FASN: variants seen among roughly 807,000 people sequenced by gnomAD.
The protein encoded by FASN is 3-hydroxyacyl-[acyl-carrier-protein] dehydratase.
FASN carries 50 observed loss-of-function variants against 250.0 expected under a neutral mutation model. The observed-to-expected ratio is 0.20, with a 90% CI of 0.16 to 0.25. The LOEUF is 0.25. Among genes scored for constraint, FASN ranks in the 10% least tolerant of loss-of-function variants. The pLI is 1.00. For missense variants in FASN, 3,031 were observed against 3,498.5 expected, an observed-to-expected ratio of 0.87 and a Z score of 3.37; for synonymous variants, 1,909 against 1,584.0, an observed-to-expected ratio of 1.21 and a Z score of -4.87.
Position 82,080,808 on chromosome 17 carries a change from A to T in FASN, c.6710T>A (p.Val2237Glu). 6.2e-7 allele frequency: 1 copy of T among 1,608,714 alleles called. No homozygotes were observed. ...EGPTLMRLNS[V>E]QSSERPLFLV... ...GAACAGGGGCCGCTCCGAGCTCTGC[A>T]CGGAGTTGAGCCGCATCAGGGTGGG... The change falls in exon 39 of 43, where the codon GTG (valine) becomes GAG (glutamate). Residue 2237 changes from valine to glutamate, a missense_variant. Physicochemically the swap from Val to Glu is moderately radical, Grantham distance 121. Transcript: ENST00000306749.
At chr17:82,094,453 C>G (rs1598584584) in intron 3 of FASN, among the ~76,000 whole-genome samples, 3 of 151,888 alleles carry the variant, frequency 2.0e-5, no homozygotes, top group South Asian at 2.1e-4. Context: ...CAGCCTCCCC[C>G]TCAGGAGGTC....
At chr17:82,092,117 G>GAC in intron 8 of FASN, among the ~76,000 whole-genome samples, 1 of 152,256 alleles carries the variant, frequency 6.6e-6, no homozygotes, top group East Asian at 1.9e-4. Context: ...ACGGGTGGGC[G>GAC]ACACGGGAGA....
rs545351106 is a variant in FASN at position 82,092,397 on chromosome 17, C to T, written c.1029+58G>A. ...AGAAAGCAGCAGTGCCCAGCCATGGCGCAACCCAGTCCCAGGGAGCAGGAG... is the reference window on the plus strand; with the variant it reads ...AGAAAGCAGCAGTGCCCAGCCATGGTGCAACCCAGTCCCAGGGAGCAGGAG... On this transcript the variant is annotated intron_variant, in intron 8 of 42. Coordinates refer to ENST00000306749, the MANE Select transcript of FASN (RefSeq NM_004104.5). 1,333 of 1,531,660 alleles carry T rather than the reference C, an allele frequency of 8.7e-4. 2 individuals carry two copies. Among genetic ancestry groups the T allele is most frequent in the Non-Finnish European group, 1.1e-3 (1,246 of 1,137,746 alleles). The allele number at this position is 1,531,660 out of a possible 1,614,324, so 94.9% of individuals were successfully genotyped here. A position where few individuals can be genotyped will look rare whatever the true frequency, so the allele number is the denominator to read the frequency against.
Position 82,092,956 on chromosome 17 carries a change from C to T in FASN, c.719G>A (p.Arg240Gln), listed in dbSNP as rs751734312. ...GTTCAGGATGGTGGCGTACACCCGC[C>T]GGGCCAGGGACTTCTTGGTCAGCAG... ...AVLLTKKSLA[R>Q]RVYATILNAG... The change falls in exon 6 of 43, where the codon CGG becomes CAG. Residue 240 changes from arginine (R) to glutamine (Q), a missense_variant. Arg to Gln is a conservative substitution (Grantham distance 43). Coordinates refer to ENST00000306749, the MANE Select transcript of FASN (RefSeq NM_004104.5). 13 of 1,611,310 alleles carry T rather than the reference C, an allele frequency of 8.1e-6. No individual in the cohort carries two copies. The highest frequency in any genetic ancestry group is 5.5e-5 in the South Asian group (5 of 90,774).
rs768710159 is a variant in FASN, at chr17:82,093,232, G to A, written c.642C>T (p.Ala214=). The A allele has an allele frequency of 1.3e-6, 2 of 1,584,788 alleles. No homozygotes were observed. Among genetic ancestry groups the A allele is most frequent in the African/African-American group, 1.3e-5 (1 of 74,522 alleles). ...CCGCACACTCACCCGCTGTGTCGAA[G>A]GCCTTGCAGGTGCCCTCGGGGCTGA... ...GMLSPEGTCK[A]FDTAGNGYCR... Residue 214 remains alanine (A), a synonymous_variant, in exon 5 of 43, where the codon GCC becomes GCT. Coordinates refer to ENST00000306749, the MANE Select transcript of FASN (RefSeq NM_004104.5).
In FASN at chr17:82,079,094, T is replaced by TGGGGG. The variant is rs2033941329; in HGVS notation, c.*48_*49insCCCCC. ...GTTGCATGGCGGGGGTGGGGTGGGGTGGGGTGGGGATGGTGGAGTGACCTC... is the reference window on the plus strand; with the variant it reads ...GTTGCATGGCGGGGGTGGGGTGGGGTGGGGGGGGGTGGGGATGGTGGAGTGACCTC... On this transcript the variant is annotated 3_prime_UTR_variant, in exon 43 of 43. Transcript: ENST00000306749. The TGGGGG allele has an allele frequency of 1.7e-6, 2 of 1,164,548 alleles. No individual in the cohort carries two copies. The highest frequency in any genetic ancestry group is 3.4e-5 in the African/African-American group (1 of 29,256). 72.1% of individuals were successfully genotyped at this position (1,164,548 alleles called of 1,614,324 possible).
Position 82,088,425 on chromosome 17 carries a change from C to G in FASN, c.2558G>C (p.Gly853Ala). The G allele has an allele frequency of 3.1e-6, 5 of 1,612,114 alleles. No individual in the cohort carries two copies. The highest frequency in any genetic ancestry group is 4.2e-6 in the Non-Finnish European group (5 of 1,179,482). ...GATGGCGGCTGAGGGGGAACCTGAA[C>G]CGTTGGGGAAGTCCTCGGCGGCCGG... ...DVPAAEDFPN[G>A]SGSPSAAIYN... Residue 853 changes from glycine to alanine, a missense_variant, in exon 16 of 43, where the codon GGT becomes GCT. Transcript: ENST00000306749.
At chr17:82,091,778 C>A in intron 8 of FASN, 94 bp from the exon 9 acceptor site, 2 of 1,133,214 alleles carry the variant, frequency 1.8e-6, no homozygotes, top group South Asian at 3.1e-5. Context: ...TCATGTGGGG[C>A]CAGGGTTCCA....
chr17:82,083,171 G>A (rs1323125420), intron 32 of FASN, 31 bp downstream of exon 32: 5 of 1,611,440 alleles, frequency 3.1e-6, no homozygotes, highest in Non-Finnish European at 4.2e-6. Flanking sequence ...AGAGCCTGGG[G>A]TGCCCGAGGC....
Position 82,093,000 on chromosome 17 carries a change from C to A in FASN, c.675G>T (p.Ser225=), listed in dbSNP as rs556170196. Residue 225 remains serine, a synonymous_variant, in exon 6 of 43, where the codon TCG becomes TCT. Transcript: ENST00000306749. ...FDTAGNGYCR[S]EGVVAVLLTK... is the part of the protein sequence containing the mutation. Reference sequence around the variant, plus strand: ...TCAGCAGGACGGCCACCACACCCTCCGAGCGGCAGTACCCATTCCCTGGGT... The same window carrying A: ...TCAGCAGGACGGCCACCACACCCTCAGAGCGGCAGTACCCATTCCCTGGGT... 1.2e-6 allele frequency: 2 copies of A among 1,612,214 alleles called. No homozygotes were observed. Among genetic ancestry groups the A allele is most frequent in the Non-Finnish European group, 1.7e-6 (2 of 1,179,844 alleles).
chr17:82,089,647 G>A lies in FASN; in HGVS notation c.1950C>T (p.Thr650=), dbSNP rs1468830074. 7 of 1,603,220 alleles carry A rather than the reference G, an allele frequency of 4.4e-6. No homozygotes were observed. The highest frequency in any genetic ancestry group is 2.7e-5 in the African/African-American group (2 of 74,800). ...CAGCACCCACCTGAGGTCCCGAGAT[G>A]GTGACTGTGTCCTTGGAGTTGTGGC... ...PACHNSKDTV[T]ISGPQAPVFE... The change falls in exon 12 of 43, where the codon ACC becomes ACT. Residue 650 remains threonine, a synonymous_variant. Transcript: ENST00000306749.
rs759780494 is a variant in FASN at position 82,092,568 on chromosome 17, T to C, written c.916A>G (p.Asn306Asp). The change falls in exon 8 of 43, where the codon AAT becomes GAT. Residue 306 changes from asparagine (N) to aspartate (D), a missense_variant. Asn to Asp is a conservative substitution (Grantham distance 23, BLOSUM62 1). Transcript: ENST00000306749. ...GCGCACAGGGCTCGGGTGATGCCAT[T>C]CAGCTCCTGGGGGTCGCCCACCTGT... ...GTKVGDPQEL[N>D]GITRALCATR... The C allele has an allele frequency of 6.2e-7, 1 of 1,607,242 alleles. No individual in the cohort carries two copies. The highest frequency in any genetic ancestry group is 8.5e-7 in the Non-Finnish European group (1 of 1,179,456).
Position 82,082,423 on chromosome 17 carries a change from G to A in FASN, c.5920-9C>T, listed in dbSNP as rs1373145388. On this transcript the variant is annotated splice_polypyrimidine_tract_variant and intron_variant, in intron 34 of 42. Transcript: ENST00000306749. ...AAGCCATCTCTCAAGACCTGGGGGA[G>A]GCATCCTCAGCACTCCCTGCAGCTC... The A allele has an allele frequency of 6.2e-7, 1 of 1,612,652 alleles. No homozygotes were observed. The highest frequency in any genetic ancestry group is 8.5e-7 in the Non-Finnish European group (1 of 1,179,938).
intron 11 of FASN, 149 bp from the exon 12 acceptor site, chr17:82,089,875 G>A (rs1397681205): frequency 4.0e-6 from 3 of 747,816 alleles, no homozygotes; most frequent in South Asian, 1.6e-5. Context: ...TTCGCCCCCT[G>A]CTGTGTTTGA....
Position 82,087,693 on chromosome 17 carries a change from C to A in FASN, c.3035G>T (p.Ser1012Ile). The A allele has an allele frequency of 1.2e-6, 2 of 1,611,684 alleles. No homozygotes were observed. Among genetic ancestry groups the A allele is most frequent in the Non-Finnish European group, 1.7e-6 (2 of 1,179,994 alleles). The change falls in exon 19 of 43, where the codon AGC (serine) becomes ATC (isoleucine). Residue 1012 changes from serine (S) to isoleucine (I), a missense_variant. Ser to Ile is a moderately radical substitution (Grantham distance 142). Coordinates refer to ENST00000306749, the MANE Select transcript of FASN (RefSeq NM_004104.5). ...GTGTAGTCAGTACCCACCTTCCAGGCTGGCCTCCAGGATGCCCTGGAAATG... is the reference window on the plus strand; with the variant it reads ...GTGTAGTCAGTACCCACCTTCCAGGATGGCCTCCAGGATGCCCTGGAAATG... ...GPHFQGILEA[S>I]LEGDSGRLLW...
intron 2 of FASN, 121 bp from the exon 3 acceptor site, chr17:82,095,593 G>C: frequency 7.9e-7 from 1 of 1,260,656 alleles, no homozygotes; most frequent in South Asian, 1.3e-5. Flanking sequence ...CTATGCCTGG[G>C]AGGCCCAAAC....
intron 21 of FASN, 112 bp downstream of exon 21, chr17:82,086,938 T>C (rs979507563): frequency 7.4e-6 from 9 of 1,218,602 alleles, no homozygotes; most frequent in Admixed American, 3.9e-5. Flanking sequence ...TGGGCTAGGG[T>C]TGCTGACCCC....
Position 82,079,624 on chromosome 17 carries a change from C to G in FASN, c.7147-16G>C. ...CCTCCAGCACCTGTGGGGTCGGGCT[C>G]TGAGCAGGTGCTGGCAGCACCCACA... is the stretch of plus-strand genomic sequence containing the variant. On this transcript the variant is annotated splice_polypyrimidine_tract_variant and intron_variant, in intron 41 of 42. Coordinates refer to ENST00000306749, the MANE Select transcript of FASN (RefSeq NM_004104.5). The G allele has an allele frequency of 6.3e-7, 1 of 1,598,322 alleles. No individual in the cohort carries two copies. Among genetic ancestry groups the G allele is most frequent in the African/African-American group, 1.3e-5 (1 of 75,038 alleles).
In FASN at chr17:82,080,996, C is replaced by A. The variant is rs550794439; in HGVS notation, c.6596-74G>T. On this transcript the variant is annotated intron_variant, in intron 38 of 42. Transcript: ENST00000306749. ...GCACCCACGCAAGGACACACAGACA[C>A]GCACGCAGGTCCCCACGGTGCTACG... 2.3e-4 allele frequency: 327 copies of A among 1,435,726 alleles called. No homozygotes were observed. The African/African-American group carries it at 3.9e-3, about 17-fold the overall frequency. 88.9% of individuals were successfully genotyped at this position (1,435,726 alleles called of 1,614,324 possible).
Sources: allele counts gnomAD v4.1 joint callset (sites outside exome capture counted in the v4.1 genomes callset), GRCh38; gene constraint gnomAD v4.1.1; transcripts MANE v1.5; gene names NCBI Gene and HGNC (gene_info 2026-07-23, HGNC 2026-07-21).